Variants in PDPK1 observed in about 807,000 individuals in gnomAD.
The protein encoded by PDPK1 is 3-phosphoinositide-dependent protein kinase 1.
PDPK1 carries 7 observed loss-of-function variants against 39.8 expected under a neutral mutation model. That is an observed-to-expected ratio of 0.18 (90% confidence interval 0.10 to 0.33). PDPK1 has a LOEUF of 0.33. Among genes scored for constraint, PDPK1 ranks in the 10% least tolerant of loss-of-function variants. The probability of loss-of-function intolerance (pLI) is 1.00; values close to 1 mark genes in which losing one functional copy is unlikely to be tolerated. For missense variants in PDPK1, 182 were observed against 384.7 expected, an observed-to-expected ratio of 0.47 and a Z score of 4.41; for synonymous variants, 118 against 159.1, an observed-to-expected ratio of 0.74 and a Z score of 1.95.
At chr16:2,569,612 TTGG>T (rs1284666549) in intron 6 of PDPK1, 1 of 149,062 alleles carries the variant, frequency 6.7e-6, no homozygotes, top group Non-Finnish European at 1.5e-5. Context: ...TATAGATGAG[TTGG>T]TGGTTCTTTT....
intron 7 of PDPK1, among the ~76,000 whole-genome samples, chr16:2,578,091 A>G (rs2066751679): frequency 6.7e-6 from 1 of 149,160 alleles, no homozygotes; most frequent in African/African-American, 2.5e-5. Context: ...TGCCGTGTGC[A>G]CAGAGCCCAG....
intron 1 of PDPK1, among the ~76,000 whole-genome samples, chr16:2,542,544 G>T (rs1301730183): frequency 6.6e-6 from 1 of 152,100 alleles, no homozygotes; most frequent in African/African-American, 2.4e-5. Flanking sequence ...TGAAAAAGAT[G>T]GACAAGCCTG....
At chr16:2,539,726 T>C (rs56092283) in intron 1 of PDPK1, among the ~76,000 whole-genome samples, 7,210 of 152,168 alleles carry the variant, frequency 0.047, 565 homozygotes, top group African/African-American at 0.16. Context: ...GGCCGAGAGT[T>C]ATGTCGAAGT....
rs2067035349 is a variant in PDPK1, at chr16:2,593,518, GTTC to G, written c.1344-2270_1344-2268del. ...ACAGGTTGCAGGGATGGGCTGCTGT[GTTC>G]TTCTGGTTTTTCTCTCCTTCGAGTT... On this transcript the variant is annotated intron_variant, in intron 11 of 13. Coordinates refer to ENST00000342085, the MANE Select transcript of PDPK1 (RefSeq NM_002613.5). The surrounding 1 kb of genome is among the most constrained non-coding windows in gnomAD (Gnocchi z 4.2). The G allele has an allele frequency of 1.1e-5, 2 of 183,522 alleles. No homozygotes were observed. The highest frequency in any genetic ancestry group is 5.6e-5 in the Admixed American group (1 of 17,744). The allele number at this position is 183,522 out of a possible 1,614,324, so 11.4% of individuals were successfully genotyped here.
intron 1 of PDPK1, among the ~76,000 whole-genome samples, chr16:2,550,426 C>G (rs1438115112): frequency 2.7e-3 from 217 of 79,842 alleles, no homozygotes; most frequent in African/African-American, 0.011. Flanking sequence ...CCCTCCCGTT[C>G]AGAGGTAACT....
At chr16:2,594,629 A>G (rs186414374) in intron 11 of PDPK1, 2 of 152,390 alleles carry the variant, frequency 1.3e-5, no homozygotes, top group African/African-American at 4.8e-5. Context: ...AAGATCAGAT[A>G]GAACACAAAC....
intron 1 of PDPK1, among the ~76,000 whole-genome samples, chr16:2,544,948 C>G (rs1419097322): frequency 6.6e-6 from 1 of 151,752 alleles, no homozygotes; most frequent in African/African-American, 2.4e-5. Flanking sequence ...GCATTTCACC[C>G]CAGAATCCTT....
At position 2,600,177 on chromosome 16, in the gene PDPK1, T is replaced by G. The variant is rs539495695; in HGVS notation, c.*2410T>G. 4.3e-6 allele frequency: 1 copy of G among 233,296 alleles called. No homozygotes were observed. The highest frequency in any genetic ancestry group is 1.8e-4 in the South Asian group (1 of 5,526). The allele number at this position is 233,296 out of a possible 1,614,324, so 14.5% of individuals were successfully genotyped here. A position where few individuals can be genotyped will look rare whatever the true frequency, so the allele number is the denominator to read the frequency against. ...CACCTGGCACGCAGGCGCCTTACAT[T>G]CTACGGTAGAACGTGGGGTACTGTG... On this transcript the variant is annotated 3_prime_UTR_variant, in exon 14 of 14. Transcript: ENST00000342085.
intron 1 of PDPK1, among the ~76,000 whole-genome samples, chr16:2,551,376 AGCACAGCTGACCTGAGG>A (rs1161009570): frequency 6.6e-6 from 1 of 151,580 alleles, no homozygotes; most frequent in African/African-American, 2.4e-5. Context: ...TTTGCCAGTG[AGCACAGCTGACCTGAGG>A]GCAGGATCCC....
rs548974990 is a variant in PDPK1 at position 2,595,787 on chromosome 16, C to G, written c.1344-6C>G. ...GGGAGCATCTCTTTCTTGTTTCTTT[C>G]CACAGGCACCAGTTTGTAGAAAATA... On this transcript the variant is annotated splice_polypyrimidine_tract_variant and splice_region_variant and intron_variant, in intron 11 of 13. Transcript: ENST00000342085. The G allele has an allele frequency of 6.2e-7, 1 of 1,609,228 alleles. No individual in the cohort carries two copies. The highest frequency in any genetic ancestry group is 1.7e-5 in the Admixed American group (1 of 60,002).
At chr16:2,586,600 G>A in intron 10 of PDPK1, 76 bp from the exon 11 acceptor site, 1 of 1,307,210 alleles carries the variant, frequency 7.6e-7, no homozygotes, top group Non-Finnish European at 1.1e-6. Flanking sequence ...GACAGCGGCA[G>A]TGCGGGAGGG....
intron 11 of PDPK1, among the ~76,000 whole-genome samples, chr16:2,592,107 C>T (rs1340188283): frequency 6.6e-6 from 1 of 152,206 alleles, no homozygotes; most frequent in African/African-American, 2.4e-5. Context: ...CTCTCCTGGG[C>T]GTGGCAGGTG....
Position 2,601,531 on chromosome 16 carries a change from CAA to C in PDPK1, c.*3765_*3766del, listed in dbSNP as rs2067215340. On this transcript the variant is annotated 3_prime_UTR_variant, in exon 14 of 14. Coordinates refer to ENST00000342085, the MANE Select transcript of PDPK1 (RefSeq NM_002613.5). ...GCATCTGCACAGTCAGCAGAGATAA[CAA>C]GTGTTGAACTGACCTTGCCACATGC... is the stretch of plus-strand genomic sequence containing the variant. The C allele has an allele frequency of 4.3e-6, 1 of 234,368 alleles. No homozygotes were observed. Among genetic ancestry groups the C allele is most frequent in the Non-Finnish European group, 8.5e-6 (1 of 117,888 alleles). 14.5% of individuals were successfully genotyped at this position (234,368 alleles called of 1,614,324 possible).
At chr16:2,546,656 G>A (rs1458073843) in intron 1 of PDPK1, among the ~76,000 whole-genome samples, 2 of 152,152 alleles carry the variant, frequency 1.3e-5, no homozygotes, top group African/African-American at 2.4e-5. Context: ...CTAACCTTAA[G>A]CTGCTTTTCC....
chr16:2,541,526 G>T (rs1488621662), intron 1 of PDPK1, among the ~76,000 whole-genome samples: 3 of 152,186 alleles, frequency 2.0e-5, no homozygotes, highest in African/African-American at 7.2e-5. Flanking sequence ...AGTTCTGTGT[G>T]GGGCAGGTTG....
intron 10 of PDPK1, among the ~76,000 whole-genome samples, chr16:2,586,089 C>T (rs1464577580): frequency 1.3e-5 from 2 of 152,244 alleles, no homozygotes; most frequent in East Asian, 1.9e-4. Flanking sequence ...TCGACACTAG[C>T]TTGTCTTTTT....
chr16:2,541,578 C>T (rs1299992607), intron 1 of PDPK1, among the ~76,000 whole-genome samples: 1 of 152,144 alleles, frequency 6.6e-6, no homozygotes, highest in African/African-American at 2.4e-5. Context: ...GTCCCCCAAG[C>T]AGGTGCGAGG....
intron 10 of PDPK1, 45 bp from the exon 11 acceptor site, chr16:2,586,631 G>A (rs377642000): frequency 6.4e-7 from 1 of 1,553,792 alleles, no homozygotes; most frequent in African/African-American, 1.4e-5. Context: ...TAGGACCTTA[G>A]AGGCAAGTGA....
Position 2,541,563 on chromosome 16 carries a change from A to G in PDPK1, c.24+3427A>G, listed in dbSNP as rs184474127. 5.4e-3 allele frequency among the ~76,000 whole-genome samples: 819 copies of G among 152,260 alleles called. 8 individuals carry two copies. The Middle Eastern group carries it at 0.054, about 10-fold the overall frequency. On this transcript the variant is annotated intron_variant, in intron 1 of 13. Transcript: ENST00000342085. ...GGCTGCAGAGAAGCCCTGGGTGCAGAAACAGTCCCCCAAGCAGGTGCGAGG... is the reference window on the plus strand; with the variant it reads ...GGCTGCAGAGAAGCCCTGGGTGCAGGAACAGTCCCCCAAGCAGGTGCGAGG...
Sources: allele counts gnomAD v4.1 joint callset (sites outside exome capture counted in the v4.1 genomes callset), GRCh38; gene constraint gnomAD v4.1.1; non-coding constraint Gnocchi (gnomAD v3.1); transcripts MANE v1.5; gene names NCBI Gene and HGNC (gene_info 2026-07-23, HGNC 2026-07-21).